The following NRXN3 variants were observed in gnomAD, a reference collection of about 807,000 sequenced individuals.
NRXN3 encodes the protein neurexin 3, also known as neurexin III.
NRXN3 carries 32 observed loss-of-function variants against 137.6 expected under a neutral mutation model. The ratio of observed to expected loss-of-function variants is 0.23; its 90% confidence interval spans 0.18 to 0.31. NRXN3 has a LOEUF of 0.31. Among genes scored for constraint, NRXN3 ranks in the 10% least tolerant of loss-of-function variants. The pLI is 1.00. For missense variants in NRXN3, 1,574 were observed against 2,062.5 expected, an observed-to-expected ratio of 0.76 and a Z score of 4.59; for synonymous variants, 798 against 784.5, an observed-to-expected ratio of 1.02 and a Z score of -0.29.
chr14:79,590,060 T>C (rs2097790408), intron 16 of NRXN3, among the ~76,000 whole-genome samples: 1 of 151,908 alleles, frequency 6.6e-6, no homozygotes, highest in South Asian at 2.1e-4. Flanking sequence ...GTTTTCTTTT[T>C]TTCCCCCATT....
intron 8 of NRXN3, among the ~76,000 whole-genome samples, chr14:78,716,352 T>A (rs768944530): frequency 6.6e-6 from 1 of 152,164 alleles, no homozygotes; most frequent in Non-Finnish European, 1.5e-5. Flanking sequence ...AAAGGATAAT[T>A]TGCATCAGGA....
chr14:79,059,161 A>G (rs1037496963), intron 15 of NRXN3, among the ~76,000 whole-genome samples: 1 of 151,330 alleles, frequency 6.6e-6, no homozygotes, highest in Non-Finnish European at 1.5e-5. Context: ...CTGTTGTAGT[A>G]TCATCTTCTA....
chr14:78,345,551 G>A (rs1206358400), intron 4 of NRXN3, among the ~76,000 whole-genome samples: 1 of 152,170 alleles, frequency 6.6e-6, no homozygotes, highest in Non-Finnish European at 1.5e-5. Context: ...GGGGCTCCCA[G>A]AGGCTCAGAC....
chr14:78,334,696 G>C (rs966198416), intron 4 of NRXN3, among the ~76,000 whole-genome samples: 2 of 152,116 alleles, frequency 1.3e-5, no homozygotes, highest in Admixed American at 1.3e-4. Flanking sequence ...AGAAGTTTAC[G>C]TACCACAGTC....
At chr14:78,622,192 G>T (rs1297689056) in intron 4 of NRXN3, among the ~76,000 whole-genome samples, 1 of 152,172 alleles carries the variant, frequency 6.6e-6, no homozygotes, top group Admixed American at 6.5e-5. Context: ...CCAGCTGCCA[G>T]TTTGACTAGC....
chr14:79,478,427 T>A (rs1369895543), intron 16 of NRXN3, among the ~76,000 whole-genome samples: 1 of 151,994 alleles, frequency 6.6e-6, no homozygotes, highest in East Asian at 1.9e-4. Flanking sequence ...CTTCTTCATC[T>A]TTATTGGTAT....
chr14:79,617,930 A>AAAAAAAG lies in NRXN3; in HGVS notation c.3445-45846_3445-45845insAAAAGAA, dbSNP rs1385000688. ...GCTGAATAGCAGCAAAAAAAAAAAAAAACATGCTTATGAAGAGCTGCCTAG... is the reference window on the plus strand; with the variant it reads ...GCTGAATAGCAGCAAAAAAAAAAAAAAAAAAAGAACATGCTTATGAAGAGCTGCCTAG... On this transcript the variant is annotated intron_variant, in intron 16 of 20. Coordinates refer to ENST00000335750, the MANE Select transcript of NRXN3 (RefSeq NM_001330195.2). Among the ~76,000 whole-genome samples, 1,107 of 148,814 alleles carry AAAAAAAG rather than the reference A, an allele frequency of 7.4e-3. 33 individuals are homozygous for AAAAAAAG. The highest frequency in any genetic ancestry group is 0.027 in the African/African-American group (1,059 of 38,634).
Position 78,649,052 on chromosome 14 carries a change from A to G in NRXN3, c.1060-2113A>G, listed in dbSNP as rs78013930. ...TGCCCCAGGTGGCATGGTTTTCCAT[A>G]GAGTCCTGGTCTCATTGTCTTCCCC... On this transcript the variant is annotated intron_variant, in intron 5 of 20. Coordinates refer to ENST00000335750, the MANE Select transcript of NRXN3 (RefSeq NM_001330195.2). Among the ~76,000 whole-genome samples the G allele has an allele frequency of 8.5e-3, 1,298 of 152,278 alleles. 25 individuals are homozygous for G. Among genetic ancestry groups the G allele is most frequent in the African/African-American group, 0.03 (1,246 of 41,542 alleles).
chr14:79,277,156 C>A (rs1230673076), intron 15 of NRXN3, among the ~76,000 whole-genome samples: 1 of 152,102 alleles, frequency 6.6e-6, no homozygotes, highest in Non-Finnish European at 1.5e-5. Context: ...ATTTGAAATG[C>A]ACCCATCACA....
At chr14:78,926,012 T>A (rs2099288818) in intron 10 of NRXN3, among the ~76,000 whole-genome samples, 1 of 152,228 alleles carries the variant, frequency 6.6e-6, no homozygotes, top group Non-Finnish European at 1.5e-5. Flanking sequence ...TTACAGTTGT[T>A]ATAATTCCCC....
intron 15 of NRXN3, among the ~76,000 whole-genome samples, chr14:79,095,823 G>C (rs1034488864): frequency 2.0e-5 from 3 of 151,832 alleles, no homozygotes; most frequent in African/African-American, 7.3e-5. Flanking sequence ...AATGTCCTAG[G>C]GAAAATATTT....
At chr14:78,708,569 C>T (rs71414706) in intron 6 of NRXN3, 2,676 of 152,310 alleles carry the variant, frequency 0.018, 40 homozygotes, top group Non-Finnish European at 0.026. Context: ...CACCCTCCCA[C>T]TCCAGAATAT....
At chr14:79,162,103 T>G (rs2060831163) in intron 15 of NRXN3, among the ~76,000 whole-genome samples, 1 of 8,088 alleles carries the variant, frequency 1.2e-4, no homozygotes, top group Non-Finnish European at 7.6e-4. Flanking sequence ...TTATTTTTTG[T>G]TTTTGTTTTT....
chr14:78,504,381 C>T (rs541459236), intron 4 of NRXN3, among the ~76,000 whole-genome samples: 4 of 152,310 alleles, frequency 2.6e-5, no homozygotes, highest in African/African-American at 9.6e-5. Context: ...AGCTGAGTAA[C>T]TTTCTGAAGG....
Position 79,793,132 on chromosome 14 carries a change from T to C in NRXN3, c.4015-11980T>C, listed in dbSNP as rs147265645. On this transcript the variant is annotated intron_variant, in intron 19 of 20. Coordinates refer to ENST00000335750, the MANE Select transcript of NRXN3 (RefSeq NM_001330195.2). ...CCTGGTACCTTTGAGAGAATAAAGCTAGTTTAGACCCACAGTCGGCCGGGC... is the reference window on the plus strand; with the variant it reads ...CCTGGTACCTTTGAGAGAATAAAGCCAGTTTAGACCCACAGTCGGCCGGGC... Among the ~76,000 whole-genome samples, 863 of 152,194 alleles carry C rather than the reference T, an allele frequency of 5.7e-3. 6 individuals carry two copies. The highest frequency in any genetic ancestry group is 0.017 in the African/African-American group (716 of 41,542).
chr14:79,014,818 G>T (rs552584432), intron 15 of NRXN3, among the ~76,000 whole-genome samples: 1 of 152,244 alleles, frequency 6.6e-6, no homozygotes, highest in Admixed American at 6.5e-5. Flanking sequence ...GCTGTCCCTT[G>T]GATGGATTTT....
At chr14:79,578,660 C>CAAGAT (rs1276731103) in intron 16 of NRXN3, among the ~76,000 whole-genome samples, 2 of 152,128 alleles carry the variant, frequency 1.3e-5, no homozygotes, top group Non-Finnish European at 2.9e-5. Flanking sequence ...ATTCCCTGGG[C>CAAGAT]AAGATTAAAT....
chr14:78,484,118 G>C (rs2095522834), intron 4 of NRXN3, among the ~76,000 whole-genome samples: 1 of 151,892 alleles, frequency 6.6e-6, no homozygotes, highest in African/African-American at 2.4e-5. Flanking sequence ...TATTAATACA[G>C]GTAGACTGCC....
chr14:78,850,651 T>A (rs1323553274), intron 10 of NRXN3, among the ~76,000 whole-genome samples: 1 of 152,146 alleles, frequency 6.6e-6, no homozygotes, highest in African/African-American at 2.4e-5. Context: ...GTTATAGCCT[T>A]GTAGAAGACT....
Sources: gnomAD v4.1 joint callset for allele counts (sites outside exome capture counted in the v4.1 genomes callset) on GRCh38, gnomAD v4.1.1 for gene constraint, MANE v1.5 for transcripts, NCBI Gene and HGNC (gene_info 2026-07-23, HGNC 2026-07-21) for gene names.